Variants in PPP1R16A observed in about 807,000 individuals in gnomAD.
PPP1R16A encodes the protein myosin phosphatase-targeting subunit 3.
In PPP1R16A, 39 loss-of-function variants were observed where a neutral mutation model predicts 46.6. The observed-to-expected ratio is 0.84, with a 90% CI of 0.65 to 1.09. The LOEUF is 1.09. PPP1R16A is among the 50% of genes least tolerant of loss of function. The probability of loss-of-function intolerance (pLI) is 0.00; values close to 1 mark genes in which losing one functional copy is unlikely to be tolerated. For missense variants in PPP1R16A, 798 were observed against 735.6 expected (o/e 1.08, Z -0.98); for synonymous variants, 413 against 321.5 (o/e 1.28, Z -3.04).
chr8:144,484,646 G>T (rs952191187), intron 1 of PPP1R16A, among the ~76,000 whole-genome samples: 1 of 152,232 alleles, frequency 6.6e-6, no homozygotes, highest in Non-Finnish European at 1.5e-5. Flanking sequence ...AAAGGAAATT[G>T]AAGAGGGAGA....
At chr8:144,501,494 G>A in intron 11 of PPP1R16A, 26 bp from the exon 12 acceptor site, 1 of 1,508,324 alleles carries the variant, frequency 6.6e-7, no homozygotes, top group Non-Finnish European at 8.9e-7. Flanking sequence ...GCCTCCTGAT[G>A]GCTCTGGGAC....
Position 144,500,203 on chromosome 8 carries a change from G to C in PPP1R16A, c.580+4G>C, listed in dbSNP as rs1324025049. On this transcript the variant is annotated splice_donor_region_variant and intron_variant, in intron 6 of 11. Transcript: ENST00000435887. ...GAGACTGCCATGGCCGACCGTGGTA[G>C]GTGCGGCGGTGCGGCTGTGGGAGGG... The C allele has an allele frequency of 4.4e-6, 7 of 1,598,228 alleles. No homozygotes were observed. The highest frequency in any genetic ancestry group is 1.1e-5 in the South Asian group (1 of 88,890).
At position 144,484,049 on chromosome 8, in the gene PPP1R16A, C is replaced by T. The variant is rs907270685; in HGVS notation, c.-914+5922C>T. The stretch of plus-strand genomic sequence containing the variant: ...TCTCAGTGGCTTACTGTGTCACCTG[C>T]GCCCTAGGTTGGTTGTCTAGACCCC... On this transcript the variant is annotated intron_variant, in intron 1 of 11. Coordinates refer to ENST00000435887, the MANE Select transcript of PPP1R16A (RefSeq NM_001329443.2). Among the ~76,000 whole-genome samples the T allele has an allele frequency of 1.4e-4, 21 of 152,338 alleles. 1 individual carries two copies. Among genetic ancestry groups the T allele is most frequent in the Middle Eastern group, 6.8e-3 (2 of 294 alleles).
Position 144,500,597 on chromosome 8 carries a change from G to C in PPP1R16A, c.816G>C (p.Ala272=). 2 of 1,600,172 alleles carry C rather than the reference G, an allele frequency of 1.2e-6. No individual in the cohort carries two copies. Among genetic ancestry groups the C allele is most frequent in the South Asian group, 1.1e-5 (1 of 90,914 alleles). The part of the protein sequence containing the change: ...DQDGWEPLHA[A]AYWGQVPLVE... ...ACGGCTGGGAGCCGCTGCACGCCGC[G>C]GCCTACTGGGGCCAGGTGAGTGCGG... is the stretch of plus-strand genomic sequence containing the variant. The change falls in exon 8 of 12, where the codon GCG becomes GCC. Residue 272 remains alanine (A), a synonymous_variant. Coordinates refer to ENST00000435887, the MANE Select transcript of PPP1R16A (RefSeq NM_001329443.2).
Position 144,493,440 on chromosome 8 carries a change from C to T in PPP1R16A, c.-734-3021C>T, listed in dbSNP as rs2620675. ...TGGCCACCAGGCTCTCATGGCTCAG[C>T]CAAGGGGCAAGTCTTCTCAGCTCTG... On this transcript the variant is annotated intron_variant, in intron 2 of 11. Coordinates refer to ENST00000435887, the MANE Select transcript of PPP1R16A (RefSeq NM_001329443.2). This position sits in a 1 kb window ranked among gnomAD's most constrained non-coding sequence, Gnocchi z 4.3. 0.029 allele frequency among the ~76,000 whole-genome samples: 4,376 copies of T among 152,248 alleles called. 212 individuals carry two copies. Among genetic ancestry groups the T allele is most frequent in the African/African-American group, 0.099 (4,125 of 41,538 alleles).
chr8:144,499,282 T>A (rs1586758858), intron 5 of PPP1R16A: 1 of 595,432 alleles, frequency 1.7e-6, no homozygotes, highest in South Asian at 2.7e-5. Context: ...GCATTCGTCC[T>A]CCTGCCGAGA....
At chr8:144,498,671 A>T in intron 3 of PPP1R16A, 99 bp from the exon 4 acceptor site, 1 of 1,223,068 alleles carries the variant, frequency 8.2e-7, no homozygotes, top group South Asian at 1.6e-5. Context: ...CATCGGCACC[A>T]CTGTCTTCCT....
chr8:144,497,580 G>A (rs771926841), intron 3 of PPP1R16A, 127 bp downstream of exon 3: 5 of 1,389,136 alleles, frequency 3.6e-6, no homozygotes, highest in East Asian at 2.4e-5. Flanking sequence ...CCCAGATCTT[G>A]CCTGGTCTCT....
chr8:144,499,313 C>G (rs568896638), intron 5 of PPP1R16A: 21 of 546,160 alleles, frequency 3.8e-5, no homozygotes, highest in African/African-American at 5.6e-5. Context: ...CGGGCCCCCC[C>G]CCAGAGTGTG....
chr8:144,501,473 A>G, intron 11 of PPP1R16A, 47 bp from the exon 12 acceptor site: 1 of 1,490,160 alleles, frequency 6.7e-7, no homozygotes, highest in Non-Finnish European at 9.0e-7. Context: ...AAGGCCAGGG[A>G]GGGGGGAGGA....
Position 144,496,658 on chromosome 8 carries a change from A to C in PPP1R16A, c.-537A>C. 1 of 190,620 alleles carries C rather than the reference A, an allele frequency of 5.2e-6. No individual in the cohort carries two copies. Among genetic ancestry groups the C allele is most frequent in the Non-Finnish European group, 1.1e-5 (1 of 90,048 alleles). The allele number at this position is 190,620 out of a possible 1,614,324, so 11.8% of individuals were successfully genotyped here. A position where few individuals can be genotyped will look rare whatever the true frequency, so the allele number is the denominator to read the frequency against. On this transcript the variant is annotated 5_prime_UTR_variant, in exon 3 of 12. Transcript: ENST00000435887. ...TACTGATGCACTGACCTCGGCACAC[A>C]GCTGGGAGGGGTTGGGGGCTGGGTC...
At chr8:144,494,339 G>A (rs1435540997) in intron 2 of PPP1R16A, among the ~76,000 whole-genome samples, 1 of 151,802 alleles carries the variant, frequency 6.6e-6, no homozygotes, top group Non-Finnish European at 1.5e-5. Context: ...TTTGAGACAG[G>A]ATCGCCCTCT....
intron 3 of PPP1R16A, chr8:144,497,745 G>A (rs980667117): frequency 9.2e-6 from 5 of 541,906 alleles, no homozygotes; most frequent in Non-Finnish European, 1.7e-5. Context: ...GGACCCCCAG[G>A]AGCCTGCAGA....
Position 144,501,234 on chromosome 8 carries a change from G to A in PPP1R16A, c.1143G>A (p.Glu381=), listed in dbSNP as rs752383291. ...AACAGCCGCCGCCCACCAGCCCGGAGCCGCCCGAGGACAACGATGACCGCC... is the reference window on the plus strand; with the variant it reads ...AACAGCCGCCGCCCACCAGCCCGGAACCGCCCGAGGACAACGATGACCGCC... ...VWQQPPPTSP[E]PPEDNDDRQT... is the part of the protein sequence containing the mutation. The change falls in exon 11 of 12, where the codon GAG becomes GAA. Residue 381 remains glutamate, a synonymous_variant. Transcript: ENST00000435887. 2.7e-5 allele frequency: 44 copies of A among 1,605,948 alleles called. No individual in the cohort carries two copies. Among genetic ancestry groups the A allele is most frequent in the Non-Finnish European group, 3.6e-5 (42 of 1,179,088 alleles).
chr8:144,488,536 A>T (rs1825694274), intron 1 of PPP1R16A, among the ~76,000 whole-genome samples: 2 of 152,150 alleles, frequency 1.3e-5, no homozygotes, highest in African/African-American at 2.4e-5. Flanking sequence ...GGTGACAGGC[A>T]TGGGCTGCAG....
chr8:144,494,146 A>G (rs1337881192), intron 2 of PPP1R16A, among the ~76,000 whole-genome samples: 1 of 152,134 alleles, frequency 6.6e-6, no homozygotes, highest in African/African-American at 2.4e-5. Context: ...TTTTTTAAAT[A>G]ATATAAATTG....
At chr8:144,479,754 C>T (rs1325647557) in intron 1 of PPP1R16A, among the ~76,000 whole-genome samples, 4 of 152,188 alleles carry the variant, frequency 2.6e-5, no homozygotes, top group Non-Finnish European at 1.5e-5. Flanking sequence ...CCACATCTAT[C>T]CATTGGCCAA....
At chr8:144,499,239 T>C in intron 5 of PPP1R16A, 178 bp downstream of exon 5, 1 of 856,028 alleles carries the variant, frequency 1.2e-6, no homozygotes. Context: ...GGAATGGGCA[T>C]GTGCCCAGGG....
Position 144,501,673 on chromosome 8 carries a change from C to T in PPP1R16A, c.1357C>T (p.His453Tyr), listed in dbSNP as rs1826494153. ...CCACACCCTGGTCCACGACAAGGCCCACCACACCCTGGCTGACCTGAAGCG... is the reference window on the plus strand; with the variant it reads ...CCACACCCTGGTCCACGACAAGGCCTACCACACCCTGGCTGACCTGAAGCG... ...TPHTLVHDKA[H>Y]HTLADLKRQR... The change falls in exon 12 of 12, where the codon CAC (histidine) becomes TAC (tyrosine). Residue 453 changes from histidine to tyrosine, a missense_variant. Coordinates refer to ENST00000435887, the MANE Select transcript of PPP1R16A (RefSeq NM_001329443.2). 1 of 1,609,502 alleles carries T rather than the reference C, an allele frequency of 6.2e-7. No homozygotes were observed. Among genetic ancestry groups the T allele is most frequent in the East Asian group, 2.2e-5 (1 of 44,486 alleles).
Sources: gnomAD v4.1 joint callset for allele counts (sites outside exome capture counted in the v4.1 genomes callset) on GRCh38, gnomAD v4.1.1 for gene constraint, Gnocchi (gnomAD v3.1) non-coding constraint, MANE v1.5 for transcripts, NCBI Gene and HGNC (gene_info 2026-07-23, HGNC 2026-07-21) for gene names.